S100A7A: variants seen among roughly 807,000 people sequenced by gnomAD.
The protein encoded by S100A7A is protein S100-A7A.
Under a neutral mutation model 4.0 loss-of-function variants are expected in S100A7A, and 5 were observed. The observed-to-expected ratio is 1.26, with a 90% confidence interval of 0.66 to 2.66. The LOEUF is 2.66. Ranked by LOEUF, S100A7A falls within the 30% of genes most tolerant of loss-of-function variation. The pLI is 0.01. For synonymous variants in S100A7A, 52 were observed against 46.4 expected, an observed-to-expected ratio of 1.12 and a Z score of -0.49; for missense variants, 159 against 125.1, an observed-to-expected ratio of 1.27 and a Z score of -1.29.
intron 2 of S100A7A, 65 bp downstream of exon 2, chr1:153,418,288 A>G: frequency 1.2e-6 from 2 of 1,604,458 alleles, no homozygotes; most frequent in Non-Finnish European, 1.7e-6. Context: ...ACATTTTGCT[A>G]TGTGGCCTTG....
chr1:153,422,373 T>C lies in S100A7A; in HGVS notation c.*3064T>C, dbSNP rs753624116. 2.9e-5 allele frequency: 9 copies of C among 311,672 alleles called. No homozygotes were observed. Among genetic ancestry groups the C allele is most frequent in the Non-Finnish European group, 3.7e-5 (8 of 214,166 alleles). 19.3% of individuals were successfully genotyped at this position (311,672 alleles called of 1,614,324 possible). The stretch of plus-strand genomic sequence containing the variant: ...AGAGCAAGGCCTAAGGGCACAGGTA[T>C]TAGTGTCATATTGATCAGAATTCAA... On this transcript the variant is annotated 3_prime_UTR_variant, in exon 3 of 3. Transcript: ENST00000368729.
chr1:153,416,801 G>C lies in S100A7A; in HGVS notation c.-18+238G>C, dbSNP rs1662727953. On this transcript the variant is annotated intron_variant, in intron 1 of 2. Coordinates refer to ENST00000368729, the MANE Select transcript of S100A7A (RefSeq NM_176823.4). ...TGGGATCTCCTGAGACAACTCCTGT[G>C]GAAATGTCCCCAGTGGGACCTGAGC... 1.3e-5 allele frequency among the ~76,000 whole-genome samples: 2 copies of C among 152,156 alleles called. 1 individual carries two copies. Among genetic ancestry groups the C allele is most frequent in the South Asian group, 4.1e-4 (2 of 4,828 alleles).
chr1:153,417,952 T>C, intron 1 of S100A7A, 114 bp from the exon 2 acceptor site: 11 of 1,341,942 alleles, frequency 8.2e-6, no homozygotes, highest in Non-Finnish European at 1.1e-5. Context: ...ATCAAGTTCC[T>C]TCTGCTCCAT....
At chr1:153,417,737 G>A (rs1662762469) in intron 1 of S100A7A, among the ~76,000 whole-genome samples, 1 of 152,076 alleles carries the variant, frequency 6.6e-6, no homozygotes, top group Non-Finnish European at 1.5e-5. Flanking sequence ...CCATGTGCTG[G>A]TTGAGGCTGG....
chr1:153,418,809 T>A (rs1662810650), intron 2 of S100A7A, among the ~76,000 whole-genome samples: 1 of 151,898 alleles, frequency 6.6e-6, no homozygotes, highest in Admixed American at 6.6e-5. Flanking sequence ...GGCCCTGGGG[T>A]AGAACTAAGG....
rs749855619 is a variant in S100A7A at position 153,418,148 on chromosome 1, A to T, written c.66A>T (p.Gly22=). The change falls in exon 2 of 3, where the codon GGA becomes GGT. Residue 22 remains glycine (G), a synonymous_variant. Coordinates refer to ENST00000368729, the MANE Select transcript of S100A7A (RefSeq NM_176823.4). ...TCGACATGTTTCACAAATACACCGG[A>T]CGTGATGGCAAGATTGAGAAGCCAA... ...GMIDMFHKYT[G]RDGKIEKPSL... The T allele has an allele frequency of 3.7e-6, 6 of 1,614,094 alleles. No homozygotes were observed. The South Asian group carries it at 5.5e-5, about 15-fold the overall frequency.
At position 153,422,877 on chromosome 1, in the gene S100A7A, C is replaced by T. The variant is rs1362930931; in HGVS notation, c.*3568C>T. 6.6e-6 allele frequency: 1 copy of T among 152,150 alleles called. No individual in the cohort carries two copies. Among genetic ancestry groups the T allele is most frequent in the African/African-American group, 2.4e-5 (1 of 41,438 alleles). The allele number at this position is 152,150 out of a possible 1,614,324, so 9.4% of individuals were successfully genotyped here. On this transcript the variant is annotated 3_prime_UTR_variant, in exon 3 of 3. Transcript: ENST00000368729. ...AAAAGACCATGTGTTTGATAAACAA[C>T]CAGATTGTTTCTGGTTCCCTGCCAC...
In S100A7A at chr1:153,418,073, G is replaced by T; in HGVS notation, c.-10G>T. 6.2e-7 allele frequency: 1 copy of T among 1,612,546 alleles called. No homozygotes were observed. The stretch of plus-strand genomic sequence containing the variant: ...TGTCTTTATTTCCTGAAGGCTTTTT[G>T]AAAGCAAAGATGAGCAACACTCAAG... On this transcript the variant is annotated 5_prime_UTR_variant, in exon 2 of 3. Transcript: ENST00000368729.
At position 153,422,364 on chromosome 1, in the gene S100A7A, G is replaced by T. The variant is rs562042952; in HGVS notation, c.*3055G>T. ...GGACATTTTAGAGCAAGGCCTAAGG[G>T]CACAGGTATTAGTGTCATATTGATC... On this transcript the variant is annotated 3_prime_UTR_variant, in exon 3 of 3. Transcript: ENST00000368729. 2 of 267,732 alleles carry T rather than the reference G, an allele frequency of 7.5e-6. No homozygotes were observed. The highest frequency in any genetic ancestry group is 1.2e-5 in the Non-Finnish European group (2 of 173,794). 16.6% of individuals were successfully genotyped at this position (267,732 alleles called of 1,614,324 possible).
chr1:153,416,561 CTGG>C lies in S100A7A; in HGVS notation c.-18_-18+2del, dbSNP rs1662722983. Reference sequence around the variant, plus strand: ...CTTCTACTCGTGACACTTCCCAGTTCTGGTAAGTCTCACCTGCCTCTTTGCATT... The same window carrying C: ...CTTCTACTCGTGACACTTCCCAGTTCTAAGTCTCACCTGCCTCTTTGCATT... On this transcript the variant is annotated splice_donor_variant and 5_prime_UTR_variant, in exon 1 of 3. Transcript: ENST00000368729. LOFTEE classifies it low-confidence loss of function (5UTR_SPLICE). 4.1e-6 allele frequency: 2 copies of C among 486,318 alleles called. No homozygotes were observed. Among genetic ancestry groups the C allele is most frequent in the South Asian group, 3.4e-5 (2 of 59,300 alleles). The allele number at this position is 486,318 out of a possible 1,614,324, so 30.1% of individuals were successfully genotyped here. A position where few individuals can be genotyped will look rare whatever the true frequency, so the allele number is the denominator to read the frequency against.
At chr1:153,418,971 A>T (rs1336701212) in intron 2 of S100A7A, among the ~76,000 whole-genome samples, 174 bp from the exon 3 acceptor site, 2 of 152,126 alleles carry the variant, frequency 1.3e-5, no homozygotes, top group Non-Finnish European at 2.9e-5. Flanking sequence ...AACTCCAGGG[A>T]TAACACTCAC....
chr1:153,417,547 G>A (rs775265170), intron 1 of S100A7A, among the ~76,000 whole-genome samples: 32 of 152,288 alleles, frequency 2.1e-4, no homozygotes, highest in Non-Finnish European at 2.2e-4. Flanking sequence ...GAGCCTGCAC[G>A]CACTGTGTCA....
In S100A7A at chr1:153,422,885, T is replaced by C. The variant is rs1271707183; in HGVS notation, c.*3576T>C. ...ATGTGTTTGATAAACAACCAGATTG[T>C]TTCTGGTTCCCTGCCACTATAAAAA... On this transcript the variant is annotated 3_prime_UTR_variant, in exon 3 of 3. Transcript: ENST00000368729. 1 of 152,212 alleles carries C rather than the reference T, an allele frequency of 6.6e-6. No individual in the cohort carries two copies. Among genetic ancestry groups the C allele is most frequent in the African/African-American group, 2.4e-5 (1 of 41,450 alleles). The allele number at this position is 152,212 out of a possible 1,614,324, so 9.4% of individuals were successfully genotyped here.
In S100A7A at chr1:153,422,940, C is replaced by T. The variant is rs1188510303; in HGVS notation, c.*3631C>T. The T allele has an allele frequency of 6.6e-6, 1 of 152,192 alleles. No individual in the cohort carries two copies. The highest frequency in any genetic ancestry group is 1.5e-5 in the Non-Finnish European group (1 of 68,034). 9.4% of individuals were successfully genotyped at this position (152,192 alleles called of 1,614,324 possible). On this transcript the variant is annotated 3_prime_UTR_variant, in exon 3 of 3. Transcript: ENST00000368729. The stretch of plus-strand genomic sequence containing the variant: ...ATGAGAGCATACTCATACATGTTCC[C>T]TTATAAATCTGCGAGGTAGTTTCTT...
intron 2 of S100A7A, among the ~76,000 whole-genome samples, chr1:153,418,805 G>A (rs1662810407): frequency 6.6e-6 from 1 of 152,180 alleles, no homozygotes; most frequent in Non-Finnish European, 1.5e-5. Context: ...TTGAGGCCCT[G>A]GGGTAGAACT....
chr1:153,418,080 A>G lies in S100A7A; in HGVS notation c.-3A>G, dbSNP rs765209822. On this transcript the variant is annotated 5_prime_UTR_variant, in exon 2 of 3. Coordinates refer to ENST00000368729, the MANE Select transcript of S100A7A (RefSeq NM_176823.4). ...ATTTCCTGAAGGCTTTTTGAAAGCA[A>G]AGATGAGCAACACTCAAGCTGAGAG... The G allele has an allele frequency of 1.9e-6, 3 of 1,613,868 alleles. No homozygotes were observed. The East Asian group carries it at 6.7e-5, about 36-fold the overall frequency.
At chr1:153,418,292 G>C (rs1250724305) in intron 2 of S100A7A, 69 bp downstream of exon 2, 3 of 1,592,596 alleles carry the variant, frequency 1.9e-6, no homozygotes, top group Non-Finnish European at 2.6e-6. Context: ...TTTGCTATGT[G>C]GCCTTGGACA....
At position 153,419,342 on chromosome 1, in the gene S100A7A, A is replaced by G. The variant is rs1662835104; in HGVS notation, c.*33A>G. Reference sequence around the variant, plus strand: ...CCACCAAGGGGCCTCCAGAGACCCCAGGAACAATAAGTGTCTCCTCCCACC... The same window carrying G: ...CCACCAAGGGGCCTCCAGAGACCCCGGGAACAATAAGTGTCTCCTCCCACC... On this transcript the variant is annotated 3_prime_UTR_variant, in exon 3 of 3. Coordinates refer to ENST00000368729, the MANE Select transcript of S100A7A (RefSeq NM_176823.4). 2 of 1,595,510 alleles carry G rather than the reference A, an allele frequency of 1.3e-6. No individual in the cohort carries two copies. The highest frequency in any genetic ancestry group is 4.5e-5 in the East Asian group (2 of 44,666).
In S100A7A at chr1:153,421,385, T is replaced by G. The variant is rs1662894368; in HGVS notation, c.*2076T>G. On this transcript the variant is annotated 3_prime_UTR_variant, in exon 3 of 3. Coordinates refer to ENST00000368729, the MANE Select transcript of S100A7A (RefSeq NM_176823.4). ...TCCCCTAATGTCTTTCCAGCCAGAC[T>G]TGGAATCATGGAGGGAAAACATTGT... 6.6e-6 allele frequency: 1 copy of G among 152,216 alleles called. No homozygotes were observed. The highest frequency in any genetic ancestry group is 2.4e-5 in the African/African-American group (1 of 41,446). The allele number at this position is 152,216 out of a possible 1,614,324, so 9.4% of individuals were successfully genotyped here.
Sources: allele counts gnomAD v4.1 joint callset (sites outside exome capture counted in the v4.1 genomes callset), GRCh38; gene constraint gnomAD v4.1.1; transcripts MANE v1.5; gene names NCBI Gene and HGNC (gene_info 2026-07-23, HGNC 2026-07-21).